Variants in LRP1B observed in about 807,000 individuals in gnomAD.
LRP1B encodes the protein LDL receptor related protein 1B.
LRP1B carries 217 observed loss-of-function variants against 556.6 expected under a neutral mutation model. That is an observed-to-expected ratio of 0.39 (90% confidence interval 0.35 to 0.44). The LOEUF is 0.44. Ranked by LOEUF, LRP1B falls within the 20% of genes least tolerant of loss-of-function variation. The pLI is 1.00. For synonymous variants in LRP1B, 2,047 were observed against 1,865.8 expected (o/e 1.10, Z -2.50); for missense variants, 5,053 against 5,620.8 (o/e 0.90, Z 3.23).
chr2:140,932,045 G>C (rs780726221), intron 20 of LRP1B, among the ~76,000 whole-genome samples: 1 of 152,032 alleles, frequency 6.6e-6, no homozygotes, highest in Non-Finnish European at 1.5e-5. Context: ...CTGAACAAAA[G>C]ATATTATTTA....
At chr2:140,864,242 A>T (rs1692883366) in intron 27 of LRP1B, among the ~76,000 whole-genome samples, 2 of 152,066 alleles carry the variant, frequency 1.3e-5, no homozygotes, top group African/African-American at 4.8e-5. Context: ...CAAAGAAATA[A>T]ATGAAACACT....
intron 6 of LRP1B, among the ~76,000 whole-genome samples, chr2:141,197,303 A>G (rs909164170): frequency 7.2e-5 from 11 of 152,008 alleles, no homozygotes; most frequent in African/African-American, 2.7e-4. Context: ...CCCTACCTTC[A>G]TTGGTGCCTG....
At chr2:142,122,371 C>T (rs17826042) in intron 1 of LRP1B, among the ~76,000 whole-genome samples, 32,387 of 151,930 alleles carry the variant, frequency 0.21, 3,670 homozygotes, top group Middle Eastern at 0.42. Flanking sequence ...AATACAACAA[C>T]GGACAAAGAA....
intron 43 of LRP1B, among the ~76,000 whole-genome samples, chr2:140,593,728 G>A (rs769858909): frequency 4.1e-4 from 62 of 151,604 alleles, no homozygotes; most frequent in African/African-American, 1.4e-3. Flanking sequence ...AATAAAACTC[G>A]ACATTCAGTT....
At chr2:140,274,310 C>A in intron 85 of LRP1B, 114 bp downstream of exon 85, 1 of 913,950 alleles carries the variant, frequency 1.1e-6, no homozygotes, top group Admixed American at 2.4e-5. Context: ...GCAATGGGCA[C>A]AATACGGAAT....
intron 20 of LRP1B, among the ~76,000 whole-genome samples, chr2:140,938,951 T>C (rs1384753420): frequency 6.6e-6 from 1 of 152,154 alleles, no homozygotes; most frequent in Non-Finnish European, 1.5e-5. Flanking sequence ...CTGTCAGTTT[T>C]ATTTTATTGA....
chr2:142,013,049 G>T (rs1025123366), intron 1 of LRP1B, among the ~76,000 whole-genome samples: 5 of 152,188 alleles, frequency 3.3e-5, no homozygotes, highest in Non-Finnish European at 5.9e-5. Flanking sequence ...AGAGTGAATA[G>T]ATTTAGCTCA....
At chr2:141,909,756 G>C (rs1254897142) in intron 1 of LRP1B, among the ~76,000 whole-genome samples, 2 of 151,682 alleles carry the variant, frequency 1.3e-5, no homozygotes, top group Non-Finnish European at 2.9e-5. Context: ...CCTAAACTTA[G>C]GTTTTCTGTT....
chr2:140,818,363 A>G (rs944533624), intron 31 of LRP1B, among the ~76,000 whole-genome samples: 1 of 152,158 alleles, frequency 6.6e-6, no homozygotes, highest in Non-Finnish European at 1.5e-5. Context: ...GAAACTGACC[A>G]TTGTAAACAC....
intron 3 of LRP1B, among the ~76,000 whole-genome samples, chr2:141,372,799 C>T (rs1689278813): frequency 1.3e-5 from 2 of 151,648 alleles, no homozygotes; most frequent in Non-Finnish European, 2.9e-5. Flanking sequence ...ATTATTTTTG[C>T]TTCTCTTTTC....
rs1401466538 is a variant in LRP1B, at chr2:140,516,871, C to T, written c.8149+18G>A. On this transcript the variant is annotated intron_variant, in intron 50 of 90. Transcript: ENST00000389484. Reference sequence around the variant, plus strand: ...AATAGTAAGGTTAACAAAAACTAAGCTAAATACAATGTCTCACCACAGTGG... The same window carrying T: ...AATAGTAAGGTTAACAAAAACTAAGTTAAATACAATGTCTCACCACAGTGG... The T allele has an allele frequency of 5.3e-5, 85 of 1,612,088 alleles. No individual in the cohort carries two copies. The highest frequency in any genetic ancestry group is 7.1e-5 in the Non-Finnish European group (84 of 1,179,136).
At chr2:140,602,957 C>T (rs566026024) in intron 41 of LRP1B, among the ~76,000 whole-genome samples, 1 of 151,972 alleles carries the variant, frequency 6.6e-6, no homozygotes, top group African/African-American at 2.4e-5. Context: ...AATATTAACA[C>T]AAAATTTTTA....
intron 2 of LRP1B, among the ~76,000 whole-genome samples, chr2:141,578,951 A>G (rs1686858334): frequency 6.6e-6 from 1 of 152,238 alleles, no homozygotes; most frequent in Non-Finnish European, 1.5e-5. Context: ...GAGTTTCCAG[A>G]AAACTCAGAT....
chr2:140,531,120 T>C lies in LRP1B; in HGVS notation c.7762+2901A>G, dbSNP rs116143221. On this transcript the variant is annotated intron_variant, in intron 47 of 90. Transcript: ENST00000389484. ...CCACTTTTGAAAATATACTTTCATTTCTGGAGAAAACCCATAGTAACATAT... is the reference window on the plus strand; with the variant it reads ...CCACTTTTGAAAATATACTTTCATTCCTGGAGAAAACCCATAGTAACATAT... Among the ~76,000 whole-genome samples, 263 of 152,286 alleles carry C rather than the reference T, an allele frequency of 1.7e-3. 3 individuals carry two copies. The highest frequency in any genetic ancestry group is 3.8e-3 in the Admixed American group (58 of 15,272).
At chr2:141,430,963 C>T (rs1014219492) in intron 3 of LRP1B, among the ~76,000 whole-genome samples, 1 of 151,680 alleles carries the variant, frequency 6.6e-6, no homozygotes, top group African/African-American at 2.4e-5. Context: ...GATCTGGTCT[C>T]TACAAAATAA....
intron 41 of LRP1B, among the ~76,000 whole-genome samples, chr2:140,613,394 A>AATATGT (rs1683146740): frequency 1.9e-5 from 1 of 53,686 alleles, no homozygotes; most frequent in Non-Finnish European, 5.2e-5. Flanking sequence ...TATACATATA[A>AATATGT]ATATAAATAA....
chr2:141,185,998 G>A (rs1681234913), intron 7 of LRP1B, among the ~76,000 whole-genome samples: 1 of 135,728 alleles, frequency 7.4e-6, no homozygotes, highest in Non-Finnish European at 1.5e-5. Flanking sequence ...AGAATCGCTT[G>A]AACCCTGGAG....
chr2:141,470,837 A>T (rs754891435), intron 3 of LRP1B, among the ~76,000 whole-genome samples: 5 of 152,222 alleles, frequency 3.3e-5, no homozygotes, highest in Non-Finnish European at 7.3e-5. Flanking sequence ...TATATTTTTC[A>T]AAGTTAAAGG....
intron 23 of LRP1B, among the ~76,000 whole-genome samples, chr2:140,892,035 G>A (rs1693814582): frequency 1.3e-5 from 2 of 151,936 alleles, no homozygotes; most frequent in Admixed American, 1.3e-4. Flanking sequence ...GGTGAGAGGT[G>A]GAACAACAAC....
Sources: gnomAD v4.1 joint callset for allele counts (sites outside exome capture counted in the v4.1 genomes callset) on GRCh38, gnomAD v4.1.1 for gene constraint, MANE v1.5 for transcripts, NCBI Gene and HGNC (gene_info 2026-07-23, HGNC 2026-07-21) for gene names.